RASGRF2: variants seen among roughly 807,000 people sequenced by gnomAD.
RASGRF2 encodes Ras protein specific guanine nucleotide releasing factor 2, also known as ras-specific guanine nucleotide-releasing factor 2.
Under a neutral mutation model 151.0 loss-of-function variants are expected in RASGRF2, and 76 were observed. That is an observed-to-expected ratio of 0.50 (90% CI 0.42 to 0.61). The LOEUF (loss-of-function observed/expected upper bound fraction) is 0.61, where lower values mean the gene tolerates loss of function less well. Ranked by LOEUF, RASGRF2 falls within the 20% of genes least tolerant of loss-of-function variation. The pLI is 0.00. For synonymous variants in RASGRF2, 504 were observed against 566.5 expected, an observed-to-expected ratio of 0.89 and a Z score of 1.57; for missense variants, 1,148 against 1,564.6, an observed-to-expected ratio of 0.73 and a Z score of 4.49.
Position 81,110,236 on chromosome 5 carries a change from C to A in RASGRF2, c.1838+1158C>A, listed in dbSNP as rs116425923. ...GCACTCACTTCCTTTTAAAACTTACCAATTATAATAGATGATTTGGGTTTG... is the reference window on the plus strand; with the variant it reads ...GCACTCACTTCCTTTTAAAACTTACAAATTATAATAGATGATTTGGGTTTG... On this transcript the variant is annotated intron_variant, in intron 13 of 26. Transcript: ENST00000265080. 6.6e-3 allele frequency among the ~76,000 whole-genome samples: 997 copies of A among 152,210 alleles called. 15 individuals are homozygous for A. The highest frequency in any genetic ancestry group is 0.023 in the African/African-American group (955 of 41,526).
chr5:81,077,932 A>G (rs992198980), intron 5 of RASGRF2, among the ~76,000 whole-genome samples: 3 of 152,156 alleles, frequency 2.0e-5, no homozygotes, highest in Non-Finnish European at 2.9e-5. Context: ...GGTTTATCAT[A>G]TTGTTTAAAT....
intron 5 of RASGRF2, among the ~76,000 whole-genome samples, chr5:81,079,611 G>A (rs921875225): frequency 6.6e-6 from 1 of 152,110 alleles, no homozygotes; most frequent in Non-Finnish European, 1.5e-5. Flanking sequence ...TCTCTGTGTA[G>A]GCTTCACTCT....
chr5:81,087,834 TA>T (rs1752283669), intron 9 of RASGRF2: 1 of 163,728 alleles, frequency 6.1e-6, no homozygotes, highest in African/African-American at 2.4e-5. Flanking sequence ...AATGTGCCAA[TA>T]CATTTGAAGA....
At chr5:80,971,846 C>T (rs887928172) in intron 1 of RASGRF2, among the ~76,000 whole-genome samples, 9 of 151,996 alleles carry the variant, frequency 5.9e-5, no homozygotes, top group African/African-American at 1.7e-4. Context: ...GCTGGGATTA[C>T]AGGCATGAGC....
intron 19 of RASGRF2, among the ~76,000 whole-genome samples, chr5:81,203,754 T>A (rs921259354): frequency 6.6e-6 from 1 of 152,204 alleles, no homozygotes; most frequent in Non-Finnish European, 1.5e-5. Context: ...TTCATTAGGT[T>A]GTTGTGAAGA....
chr5:81,035,020 T>A (rs543144389), intron 1 of RASGRF2, among the ~76,000 whole-genome samples: 1 of 152,284 alleles, frequency 6.6e-6, no homozygotes, highest in Non-Finnish European at 1.5e-5. Flanking sequence ...TTTTACACTG[T>A]TGGTGGGACT....
intron 15 of RASGRF2, among the ~76,000 whole-genome samples, chr5:81,118,169 C>T (rs1753210528): frequency 6.6e-6 from 1 of 152,240 alleles, no homozygotes; most frequent in Non-Finnish European, 1.5e-5. Flanking sequence ...AGTGAGGACT[C>T]TCTTCAGTGT....
At chr5:81,040,666 A>T (rs1750650855) in intron 1 of RASGRF2, among the ~76,000 whole-genome samples, 1 of 152,144 alleles carries the variant, frequency 6.6e-6, no homozygotes, top group Non-Finnish European at 1.5e-5. Context: ...GGATGTTAGA[A>T]CCTTGGTTCC....
chr5:81,039,371 T>C (rs2112386457), intron 1 of RASGRF2, among the ~76,000 whole-genome samples: 1 of 152,136 alleles, frequency 6.6e-6, no homozygotes, highest in South Asian at 2.1e-4. Context: ...AAAGACAAAA[T>C]TAGACTATGA....
chr5:81,068,228 A>T (rs994104219), intron 3 of RASGRF2, 49 bp downstream of exon 3: 6 of 1,575,996 alleles, frequency 3.8e-6, no homozygotes, highest in South Asian at 2.4e-5. Flanking sequence ...GTTTACCGTC[A>T]TTTCCTCATG....
chr5:81,104,627 ATATATTT>A (rs1234319059), intron 12 of RASGRF2, among the ~76,000 whole-genome samples: 2 of 152,202 alleles, frequency 1.3e-5, no homozygotes, highest in African/African-American at 4.8e-5. Context: ...GAAAAGCCAG[ATATATTT>A]TATATTTTCT....
chr5:81,144,774 C>A (rs1193674935), intron 17 of RASGRF2, among the ~76,000 whole-genome samples: 1 of 152,150 alleles, frequency 6.6e-6, no homozygotes, highest in African/African-American at 2.4e-5. Context: ...TACTCAGGTT[C>A]CAGCAGAGGA....
rs531513222 is a variant in RASGRF2, at chr5:81,032,702, C to A, written c.289-10175C>A. ...CACAGCCAATATCACACTGAATGGGCAAAACCTGGAAGCATTCCCTTTGAA... is the reference window on the plus strand; with the variant it reads ...CACAGCCAATATCACACTGAATGGGAAAAACCTGGAAGCATTCCCTTTGAA... On this transcript the variant is annotated intron_variant, in intron 1 of 26. Coordinates refer to ENST00000265080, the MANE Select transcript of RASGRF2 (RefSeq NM_006909.3). 1.1e-4 allele frequency among the ~76,000 whole-genome samples: 17 copies of A among 151,758 alleles called. No individual in the cohort carries two copies. The East Asian group carries it at 1.9e-3, about 17-fold the overall frequency.
At chr5:81,027,750 C>T (rs1453231523) in intron 1 of RASGRF2, among the ~76,000 whole-genome samples, 3 of 152,160 alleles carry the variant, frequency 2.0e-5, no homozygotes, top group Admixed American at 6.5e-5. Context: ...TTCTGCTATG[C>T]GAAACCTGAA....
At chr5:81,093,615 A>G (rs1204125207) in intron 10 of RASGRF2, among the ~76,000 whole-genome samples, 1 of 152,096 alleles carries the variant, frequency 6.6e-6, no homozygotes, top group Non-Finnish European at 1.5e-5. Context: ...ATGTCTTGCT[A>G]TGTTACTCAG....
At chr5:81,139,751 A>T (rs977450970) in intron 17 of RASGRF2, among the ~76,000 whole-genome samples, 1 of 152,116 alleles carries the variant, frequency 6.6e-6, no homozygotes, top group Admixed American at 6.5e-5. Context: ...TAAACATACA[A>T]TCAGCTCACA....
chr5:81,008,375 TCG>T, intron 1 of RASGRF2, among the ~76,000 whole-genome samples: 1 of 152,154 alleles, frequency 6.6e-6, no homozygotes, highest in Admixed American at 6.5e-5. Flanking sequence ...GGTCTCAAAC[TCG>T]TGACCTCCAG....
At position 81,226,884 on chromosome 5, in the gene RASGRF2, G is replaced by C. The variant is rs907275656; in HGVS notation, c.*1114G>C. On this transcript the variant is annotated 3_prime_UTR_variant, in exon 27 of 27. Transcript: ENST00000265080. ...TCTCTGAGAATATTATAAGTGCATG[G>C]GAAATGGGCCCAACCACCGAACAGC... 2.2e-4 allele frequency: 33 copies of C among 152,036 alleles called. No individual in the cohort carries two copies. Among genetic ancestry groups the C allele is most frequent in the African/African-American group, 8.0e-4 (33 of 41,386 alleles). The allele number at this position is 152,036 out of a possible 1,614,324, so 9.4% of individuals were successfully genotyped here. A position where few individuals can be genotyped will look rare whatever the true frequency, so the allele number is the denominator to read the frequency against.
intron 20 of RASGRF2, 97 bp from the exon 21 acceptor site, chr5:81,207,149 A>C: frequency 9.6e-7 from 1 of 1,037,754 alleles, no homozygotes; most frequent in Non-Finnish European, 1.4e-6. Flanking sequence ...GGTGAACTTC[A>C]TGCTTCCACA....
Sources: gnomAD v4.1 joint callset for allele counts (sites outside exome capture counted in the v4.1 genomes callset) on GRCh38, gnomAD v4.1.1 for gene constraint, MANE v1.5 for transcripts, NCBI Gene and HGNC (gene_info 2026-07-23, HGNC 2026-07-21) for gene names.